Variants in PAK1 observed in about 807,000 individuals in gnomAD.
PAK1 encodes p21 (RAC1) activated kinase 1.
A neutral mutation model predicts 67.4 loss-of-function variants in PAK1; 29 were observed. The ratio of observed to expected loss-of-function variants is 0.43; its 90% CI spans 0.32 to 0.59. PAK1 has a LOEUF of 0.59. Ranked by LOEUF, PAK1 falls within the 20% of genes least tolerant of loss-of-function variation. The pLI is 0.07. For missense variants in PAK1, 337 were observed against 670.7 expected (o/e 0.50, Z 5.50); for synonymous variants, 223 against 237.4 (o/e 0.94, Z 0.56).
chr11:77,493,673 C>T, the PAK1 span, among the ~76,000 whole-genome samples: 5 of 151,850 alleles, frequency 3.3e-5, no homozygotes, highest in African/African-American at 1.2e-4. Flanking sequence ...CACCCACAAA[C>T]CTTACTGAAC....
At chr11:77,497,920 T>C in the PAK1 span, among the ~76,000 whole-genome samples, 4 of 152,194 alleles carry the variant, frequency 2.6e-5, no homozygotes, top group Non-Finnish European at 5.9e-5. Flanking sequence ...GTTTCTTTTT[T>C]AAAAAACTGC....
chr11:77,517,648 G>A, the PAK1 span, among the ~76,000 whole-genome samples: 454 of 152,186 alleles, frequency 3.0e-3, 3 homozygotes, highest in African/African-American at 0.01. Flanking sequence ...GAAATATAAT[G>A]TACAAGTGCA....
At chr11:77,520,972 AG>A in the PAK1 span, among the ~76,000 whole-genome samples, 2 of 152,190 alleles carry the variant, frequency 1.3e-5, no homozygotes, top group African/African-American at 4.8e-5. Context: ...AGGAAGGCCA[AG>A]GGAGTGGGAG....
chr11:77,497,800 C>T, the PAK1 span, among the ~76,000 whole-genome samples: 1 of 152,186 alleles, frequency 6.6e-6, no homozygotes, highest in African/African-American at 2.4e-5. Flanking sequence ...CATTTTCTGA[C>T]TTTGAGATAT....
the PAK1 span, among the ~76,000 whole-genome samples, chr11:77,529,769 G>GA: frequency 9.9e-5 from 15 of 152,144 alleles, no homozygotes; most frequent in South Asian, 2.1e-4. Context: ...TCCAAGAAAA[G>GA]AAAAAACCCA....
the PAK1 span, among the ~76,000 whole-genome samples, chr11:77,518,943 T>C: frequency 6.6e-6 from 1 of 152,202 alleles, no homozygotes; most frequent in East Asian, 1.9e-4. Context: ...AATTGTGCCA[T>C]ATTTGCTTCA....
chr11:77,374,183 T>C, intron 5 of PAK1, 145 bp downstream of exon 5: 3 of 460,790 alleles, frequency 6.5e-6, no homozygotes, highest in Admixed American at 7.6e-5. Context: ...TCTAATTTCT[T>C]TATTGGATAG....
the PAK1 span, among the ~76,000 whole-genome samples, chr11:77,485,067 T>C: frequency 2.2e-4 from 33 of 152,182 alleles, no homozygotes; most frequent in Non-Finnish European, 5.9e-5. Flanking sequence ...CCCCCATAAT[T>C]CAATTACCTC....
intron 1 of PAK1, among the ~76,000 whole-genome samples, chr11:77,450,782 T>C (rs1045844131): frequency 6.6e-6 from 1 of 152,250 alleles, no homozygotes; most frequent in Non-Finnish European, 1.5e-5. Context: ...GACATACTGC[T>C]ATTCAGTGGG....
intron 1 of PAK1, among the ~76,000 whole-genome samples, chr11:77,427,248 AT>A (rs1480515056): frequency 6.6e-6 from 1 of 152,204 alleles, no homozygotes; most frequent in East Asian, 1.9e-4. Flanking sequence ...GGAGACACAT[AT>A]CACAATGCTG....
intron 1 of PAK1, chr11:77,455,756 TCCTA>T (rs1957053224): frequency 6.6e-6 from 1 of 152,230 alleles, no homozygotes; most frequent in South Asian, 2.1e-4. Context: ...CCTGGCCCTT[TCCTA>T]CCATGTCTTT....
chr11:77,333,338 C>T (rs1012806424), intron 13 of PAK1, among the ~76,000 whole-genome samples: 2 of 151,864 alleles, frequency 1.3e-5, no homozygotes, highest in Non-Finnish European at 2.9e-5. Context: ...GCTGGGATTA[C>T]AGGCACCAGC....
chr11:77,503,247 A>G, the PAK1 span, among the ~76,000 whole-genome samples: 26 of 152,330 alleles, frequency 1.7e-4, no homozygotes, highest in East Asian at 5.0e-3. Context: ...AGTGGGTCTA[A>G]GGCCAATCAG....
At chr11:77,377,876 T>C (rs1433475267) in intron 4 of PAK1, among the ~76,000 whole-genome samples, 4 of 151,996 alleles carry the variant, frequency 2.6e-5, no homozygotes, top group Non-Finnish European at 4.4e-5. Context: ...CAATTCCTCC[T>C]TGAAATGACT....
At chr11:77,477,193 A>ATATACT (rs1403874710), upstream of PAK1, among the ~76,000 whole-genome samples, 1 of 152,200 alleles carries the variant, frequency 6.6e-6, no homozygotes, top group Non-Finnish European at 1.5e-5. Context: ...ATAAATAAGT[A>ATATACT]GGATAAGTGT....
intron 14 of PAK1, among the ~76,000 whole-genome samples, chr11:77,325,707 AC>A (rs1165532788): frequency 6.6e-6 from 1 of 152,172 alleles, no homozygotes; most frequent in African/African-American, 2.4e-5. Context: ...GTACTAAGAG[AC>A]TTTTAGTTCC....
intron 8 of PAK1, chr11:77,353,333 G>T: frequency 2.1e-6 from 1 of 483,442 alleles, no homozygotes; most frequent in Non-Finnish European, 3.7e-6. Flanking sequence ...TTAGCAACAT[G>T]GTCAGCTAAT....
chr11:77,528,754 CT>C, the PAK1 span, among the ~76,000 whole-genome samples: 1 of 152,086 alleles, frequency 6.6e-6, no homozygotes, highest in Admixed American at 6.6e-5. Flanking sequence ...AATTTCCCAT[CT>C]TTTTTATTTG....
chr11:77,358,866 T>G (rs758414468), intron 6 of PAK1, 32 bp downstream of exon 6: 1 of 1,611,916 alleles, frequency 6.2e-7, no homozygotes, highest in South Asian at 1.1e-5. Context: ...CTCTAATAAA[T>G]CACAAAACTG....
Sources: gnomAD v4.1 joint callset for allele counts (sites outside exome capture counted in the v4.1 genomes callset) on GRCh38, gnomAD v4.1.1 for gene constraint, MANE v1.5 for transcripts, NCBI Gene and HGNC (gene_info 2026-07-23, HGNC 2026-07-21) for gene names.